The following SESN3 variants were observed in gnomAD, a reference collection of about 807,000 sequenced individuals.
The protein encoded by SESN3 is sestrin 3.
A neutral mutation model predicts 55.3 loss-of-function variants in SESN3; 21 were observed. The ratio of observed to expected loss-of-function variants is 0.38; its 90% CI spans 0.27 to 0.55. SESN3 has a LOEUF of 0.55. Ranked by LOEUF, SESN3 falls within the 20% of genes least tolerant of loss-of-function variation. The pLI is 0.76. For missense variants in SESN3, 408 were observed against 604.3 expected, an observed-to-expected ratio of 0.68 and a Z score of 3.41; for synonymous variants, 181 against 203.1, an observed-to-expected ratio of 0.89 and a Z score of 0.93.
chr11:95,176,733 T>C lies in SESN3; in HGVS notation c.1247+986A>G, dbSNP rs148461410. ...CATCCAACAGATATATTCACCACATTTGTTGCCTTGTATCCAATACATATT... is the reference window on the plus strand; with the variant it reads ...CATCCAACAGATATATTCACCACATCTGTTGCCTTGTATCCAATACATATT... On this transcript the variant is annotated intron_variant, in intron 8 of 9. Coordinates refer to ENST00000536441, the MANE Select transcript of SESN3 (RefSeq NM_144665.4). Among the ~76,000 whole-genome samples, 609 of 152,344 alleles carry C rather than the reference T, an allele frequency of 4.0e-3. 4 individuals carry two copies. Among genetic ancestry groups the C allele is most frequent in the African/African-American group, 0.014 (565 of 41,582 alleles).
intron 2 of SESN3, among the ~76,000 whole-genome samples, chr11:95,191,987 A>G (rs961356445): frequency 6.6e-6 from 1 of 152,030 alleles, no homozygotes; most frequent in Non-Finnish European, 1.5e-5. Flanking sequence ...ATTTCATCTC[A>G]TCAGCCTATG....
chr11:95,228,354 A>G (rs1456808302), intron 1 of SESN3, among the ~76,000 whole-genome samples: 4 of 152,336 alleles, frequency 2.6e-5, no homozygotes, highest in Middle Eastern at 3.4e-3. Context: ...AGCAAAAGTA[A>G]TTCACACTGG....
intron 3 of SESN3, 114 bp downstream of exon 3, chr11:95,191,290 A>G: frequency 1.2e-6 from 1 of 811,474 alleles, no homozygotes; most frequent in East Asian, 2.4e-5. Flanking sequence ...TTCAGTTCTT[A>G]TGTCCATAAA....
intron 4 of SESN3, among the ~76,000 whole-genome samples, chr11:95,186,253 G>C (rs987863489): frequency 1.6e-4 from 15 of 96,536 alleles, no homozygotes; most frequent in African/African-American, 3.8e-4. Context: ...GTGTATGTAA[G>C]GGGGAATCTC....
At chr11:95,206,513 A>C (rs1860551998) in intron 1 of SESN3, among the ~76,000 whole-genome samples, 1 of 152,122 alleles carries the variant, frequency 6.6e-6, no homozygotes, top group African/African-American at 2.4e-5. Context: ...AAAAGCTATA[A>C]TTATGCTATA....
At chr11:95,202,944 G>C (rs1203870176) in intron 1 of SESN3, among the ~76,000 whole-genome samples, 1 of 151,994 alleles carries the variant, frequency 6.6e-6, no homozygotes, top group East Asian at 1.9e-4. Context: ...TAGATGAAAA[G>C]AAACTAAAAT....
At position 95,173,355 on chromosome 11, in the gene SESN3, T is replaced by C; in HGVS notation, c.1393-14A>G. ...ATTGACATGAACCTAGAAGTGAAAA[T>C]GTTATCAGTTTAGTAACCATTATAA... On this transcript the variant is annotated splice_polypyrimidine_tract_variant and intron_variant, in intron 9 of 9. Transcript: ENST00000536441. 1 of 1,553,688 alleles carries C rather than the reference T, an allele frequency of 6.4e-7. No individual in the cohort carries two copies. Among genetic ancestry groups the C allele is most frequent in the Non-Finnish European group, 8.9e-7 (1 of 1,128,212 alleles).
In SESN3 at chr11:95,168,385, C is replaced by T. The variant is rs553430825; in HGVS notation, c.*4870G>A. 25 of 152,174 alleles carry T rather than the reference C, an allele frequency of 1.6e-4. No homozygotes were observed. The highest frequency in any genetic ancestry group is 4.8e-4 in the African/African-American group (20 of 41,530). 9.4% of individuals were successfully genotyped at this position (152,174 alleles called of 1,614,324 possible). A position where few individuals can be genotyped will look rare whatever the true frequency, so the allele number is the denominator to read the frequency against. Reference sequence around the variant, plus strand: ...ATCCTGTTATATGCTAAATTCTGAACGATAGAAATAGTTCAATTTCTGTAT... The same window carrying T: ...ATCCTGTTATATGCTAAATTCTGAATGATAGAAATAGTTCAATTTCTGTAT... On this transcript the variant is annotated 3_prime_UTR_variant, in exon 10 of 10. Transcript: ENST00000536441.
rs536404389 is a variant in SESN3, at chr11:95,230,352, A to T, written c.78+431T>A. 1 of 165,000 alleles carries T rather than the reference A, an allele frequency of 6.1e-6. No individual in the cohort carries two copies. Among genetic ancestry groups the T allele is most frequent in the African/African-American group, 2.4e-5 (1 of 41,792 alleles). The allele number at this position is 165,000 out of a possible 1,614,324, so 10.2% of individuals were successfully genotyped here. On this transcript the variant is annotated intron_variant, in intron 1 of 9. Transcript: ENST00000536441. The surrounding 1 kb of genome is among the most constrained non-coding windows in gnomAD (Gnocchi z 4.6). ...AACAACACTCGCAAGAGTTAGCCAC[A>T]GCAAAGAGGGGCCAGGTTCCTCGGG...
At chr11:95,211,844 G>A (rs1169257363) in intron 1 of SESN3, among the ~76,000 whole-genome samples, 2 of 152,136 alleles carry the variant, frequency 1.3e-5, no homozygotes, top group Admixed American at 6.5e-5. Context: ...TAGACAACAT[G>A]TTTAGAAATT....
chr11:95,196,445 T>A (rs1014383112), intron 1 of SESN3, among the ~76,000 whole-genome samples: 2 of 152,046 alleles, frequency 1.3e-5, no homozygotes, highest in East Asian at 3.9e-4. Context: ...TAGTACTATA[T>A]CCAAAAGATT....
chr11:95,184,729 C>T, intron 5 of SESN3, 135 bp from the exon 6 acceptor site: 1 of 704,694 alleles, frequency 1.4e-6, no homozygotes. Flanking sequence ...GGTTTTTCAC[C>T]AATTTCAAAG....
intron 1 of SESN3, among the ~76,000 whole-genome samples, chr11:95,194,253 T>C (rs1860320083): frequency 6.6e-6 from 1 of 152,132 alleles, no homozygotes; most frequent in South Asian, 2.1e-4. Flanking sequence ...AGGGTCCTTC[T>C]TCTCACCCTC....
At chr11:95,181,766 C>T (rs543510137) in intron 6 of SESN3, among the ~76,000 whole-genome samples, 5 of 151,980 alleles carry the variant, frequency 3.3e-5, no homozygotes, top group South Asian at 2.1e-4. Flanking sequence ...TACTTTATAA[C>T]GCTGGTCAAA....
rs555815963 is a variant in SESN3, at chr11:95,209,131, G to A, written c.79-15609C>T. Reference sequence around the variant, plus strand: ...AAGAAACTATCATCAGAGTGAACAGGCAATCTACAGAATGGGAGAAAATTT... The same window carrying A: ...AAGAAACTATCATCAGAGTGAACAGACAATCTACAGAATGGGAGAAAATTT... On this transcript the variant is annotated intron_variant, in intron 1 of 9. Transcript: ENST00000536441. Among the ~76,000 whole-genome samples the A allele has an allele frequency of 3.3e-5, 5 of 151,442 alleles. No individual in the cohort carries two copies. In the East Asian group the frequency reaches 7.7e-4, roughly 23 times the overall value.
In SESN3 at chr11:95,184,595, C is replaced by T; in HGVS notation, c.763-1G>A. 2 of 1,611,128 alleles carry T rather than the reference C, an allele frequency of 1.2e-6. No homozygotes were observed. The highest frequency in any genetic ancestry group is 1.7e-6 in the Non-Finnish European group (2 of 1,178,922). ...CTAGCTCACTTAGAGAATCCACAAT[C>T]TGGAAACAGATAAGATAATGTTGGG... On this transcript the variant is annotated splice_acceptor_variant, in intron 5 of 9. Transcript: ENST00000536441. LOFTEE classifies it high-confidence loss of function.
chr11:95,199,822 A>C (rs912773610), intron 1 of SESN3, among the ~76,000 whole-genome samples: 1 of 152,074 alleles, frequency 6.6e-6, no homozygotes, highest in Non-Finnish European at 1.5e-5. Context: ...AAAATGTGTA[A>C]TTAATTTACA....
At position 95,189,827 on chromosome 11, in the gene SESN3, A is replaced by C; in HGVS notation, c.477T>G (p.Asn159Lys). Residue 159 changes from asparagine to lysine, a missense_variant, in exon 4 of 10, where the codon AAT becomes AAG. By Grantham distance (94) the Asn-to-Lys change is moderately conservative. Coordinates refer to ENST00000536441, the MANE Select transcript of SESN3 (RefSeq NM_144665.4). ...PQRLKNLNEI[N>K]KLLAHRPWLI... ...GCCAAGGTCGATGTGCTAGCAGCTT[A>C]TTAATTTCATTAAGATTTTTCAGTC... is the stretch of plus-strand genomic sequence containing the variant. The C allele has an allele frequency of 6.2e-7, 1 of 1,611,576 alleles. No individual in the cohort carries two copies. The highest frequency in any genetic ancestry group is 8.5e-7 in the Non-Finnish European group (1 of 1,178,566).
intron 1 of SESN3, among the ~76,000 whole-genome samples, chr11:95,228,942 A>G (rs528057179): frequency 1.3e-5 from 2 of 152,354 alleles, no homozygotes; most frequent in Admixed American, 6.5e-5. Flanking sequence ...AGTGTCATGG[A>G]TCCATAGCCA....
Sources: gnomAD v4.1 joint callset for allele counts (sites outside exome capture counted in the v4.1 genomes callset) on GRCh38, gnomAD v4.1.1 for gene constraint, Gnocchi (gnomAD v3.1) non-coding constraint, MANE v1.5 for transcripts, NCBI Gene and HGNC (gene_info 2026-07-23, HGNC 2026-07-21) for gene names.